Variants in CELF2 observed in about 807,000 individuals in gnomAD.
The protein encoded by CELF2 is CUGBP Elav-like family member 2, also known as CUG triplet repeat RNA-binding protein 2.
In CELF2, 8 loss-of-function variants were observed where a neutral mutation model predicts 62.6. That is an observed-to-expected ratio of 0.13 (90% CI 0.07 to 0.23). The LOEUF (loss-of-function observed/expected upper bound fraction) is 0.23, where lower values mean the gene tolerates loss of function less well. Ranked by LOEUF, CELF2 falls within the 10% of genes least tolerant of loss-of-function variation. CELF2 has a pLI of 1.00. For synonymous variants in CELF2, 258 were observed against 250.0 expected (o/e 1.03, Z -0.30); for missense variants, 333 against 671.0 (o/e 0.50, Z 5.56).
chr10:11,051,350 GA>G (rs2063880870), intron 1 of CELF2, among the ~76,000 whole-genome samples: 1 of 152,132 alleles, frequency 6.6e-6, no homozygotes, highest in South Asian at 2.1e-4. Context: ...CTAAAACATA[GA>G]GTTCTCTTTT....
At position 10,995,026 on chromosome 10, in the gene CELF2, C is replaced by T. The variant is rs2053810949; in HGVS notation, c.89+75027C>T. Among the ~76,000 whole-genome samples, 1 of 152,180 alleles carries T rather than the reference C, an allele frequency of 6.6e-6. No homozygotes were observed. The highest frequency in any genetic ancestry group is 2.4e-5 in the African/African-American group (1 of 41,448). ...GGTGATTCCAGCGCGCTCTTATCAC[C>T]TGCCCTTCCTTGGAGCTCTTGCGGC... is the stretch of plus-strand genomic sequence containing the variant. On this transcript the variant is annotated intron_variant, in intron 2 of 13. Transcript: ENST00000636488. The surrounding 1 kb of genome is among the most constrained non-coding windows in gnomAD (Gnocchi z 4.7).
intron 7 of CELF2, among the ~76,000 whole-genome samples, chr10:11,271,264 C>A (rs2083678557): frequency 6.6e-6 from 1 of 152,244 alleles, no homozygotes. Context: ...TTTCTTACTT[C>A]ATCTATTTGA....
At chr10:11,079,810 T>G (rs555968325) in intron 1 of CELF2, among the ~76,000 whole-genome samples, 19 of 147,650 alleles carry the variant, frequency 1.3e-4, no homozygotes, top group African/African-American at 4.7e-4. Context: ...CACTCACCTT[T>G]CCCTCTTGGG....
At position 11,319,217 on chromosome 10, in the gene CELF2, A is replaced by G. The variant is rs1483256558; in HGVS notation, c.1097-1972A>G. 2.4e-6 allele frequency: 1 copy of G among 409,204 alleles called. No individual in the cohort carries two copies. The highest frequency in any genetic ancestry group is 5.1e-6 in the Non-Finnish European group (1 of 198,012). The allele number at this position is 409,204 out of a possible 1,614,324, so 25.3% of individuals were successfully genotyped here. A position where few individuals can be genotyped will look rare whatever the true frequency, so the allele number is the denominator to read the frequency against. ...CACAGCACCCGTTAACAGCCTGGCC[A>G]AAGTGAGACCAACAGAATTTATCAG... On this transcript the variant is annotated intron_variant, in intron 10 of 12. Coordinates refer to ENST00000633077, the MANE Select transcript of CELF2 (RefSeq NM_001326342.2). This position sits in a 1 kb window ranked among gnomAD's most constrained non-coding sequence, Gnocchi z 4.4.
At chr10:10,501,081 C>T in the CELF2 span, among the ~76,000 whole-genome samples, 1 of 152,242 alleles carries the variant, frequency 6.6e-6, no homozygotes, top group Non-Finnish European at 1.5e-5. Flanking sequence ...CTGCTATCAA[C>T]ATTCCTGTAC....
upstream of CELF2, among the ~76,000 whole-genome samples, chr10:11,015,097 C>T (rs181569883): frequency 2.9e-3 from 449 of 152,280 alleles, 4 homozygotes; most frequent in African/African-American, 0.01. The surrounding 1 kb of genome is among the most constrained non-coding windows in gnomAD (Gnocchi z 4.8). Context: ...CGTTCAACAG[C>T]GGCCCCATAG....
chr10:11,033,021 T>C (rs1164727971), intron 1 of CELF2, among the ~76,000 whole-genome samples: 1 of 152,198 alleles, frequency 6.6e-6, no homozygotes, highest in African/African-American at 2.4e-5. Flanking sequence ...TTAAAATAAC[T>C]TTGGGGTCCA....
At chr10:11,047,168 C>T (rs2063006856) in intron 1 of CELF2, among the ~76,000 whole-genome samples, 1 of 152,102 alleles carries the variant, frequency 6.6e-6, no homozygotes. Context: ...TGAGTCCTTG[C>T]TACTTAGAAG....
intron 1 of CELF2, among the ~76,000 whole-genome samples, chr10:10,891,610 T>A (rs1018574): frequency 6.6e-6 from 1 of 151,984 alleles, no homozygotes; most frequent in Non-Finnish European, 1.5e-5. Flanking sequence ...CAGACATGAG[T>A]TTTTAAGAGG....
chr10:10,683,896 G>A, the CELF2 span, among the ~76,000 whole-genome samples: 1 of 152,148 alleles, frequency 6.6e-6, no homozygotes, highest in African/African-American at 2.4e-5. Flanking sequence ...CGTCAGGCAA[G>A]AGGGTCCCCA....
At chr10:11,047,158 T>G (rs1259967032) in intron 1 of CELF2, among the ~76,000 whole-genome samples, 1 of 152,180 alleles carries the variant, frequency 6.6e-6, no homozygotes, top group African/African-American at 2.4e-5. Context: ...CCATTTCCAC[T>G]GAGTCCTTGC....
intron 1 of CELF2, among the ~76,000 whole-genome samples, chr10:11,107,297 A>G (rs2053773436): frequency 6.6e-6 from 1 of 152,140 alleles, no homozygotes; most frequent in Non-Finnish European, 1.5e-5. Flanking sequence ...GCTCCAGGCT[A>G]AACTGGCCTG....
chr10:10,706,878 A>G, the CELF2 span, among the ~76,000 whole-genome samples: 5 of 152,324 alleles, frequency 3.3e-5, no homozygotes, highest in African/African-American at 9.6e-5. Context: ...AGATATTACC[A>G]TCTCTGTGCT....
the CELF2 span, among the ~76,000 whole-genome samples, chr10:10,512,015 A>G: frequency 6.6e-6 from 1 of 152,204 alleles, no homozygotes; most frequent in Non-Finnish European, 1.5e-5. Context: ...AATTATTGTA[A>G]CCCTGGAACA....
chr10:10,537,775 C>T, the CELF2 span, among the ~76,000 whole-genome samples: 1 of 152,136 alleles, frequency 6.6e-6, no homozygotes, highest in African/African-American at 2.4e-5. Context: ...CAGATCCCAA[C>T]CCCCATGAAC....
intron 1 of CELF2, among the ~76,000 whole-genome samples, chr10:10,830,664 A>G (rs1391735841): frequency 6.6e-6 from 1 of 152,192 alleles, no homozygotes; most frequent in Non-Finnish European, 1.5e-5. Flanking sequence ...GTCAAAAACA[A>G]GCCCACAAAA....
At chr10:11,139,901 T>C (rs912754829) in intron 1 of CELF2, among the ~76,000 whole-genome samples, 4 of 152,008 alleles carry the variant, frequency 2.6e-5, no homozygotes, top group African/African-American at 9.7e-5. Flanking sequence ...CTCTCAATTC[T>C]GCCTCTCTCA....
intron 1 of CELF2, among the ~76,000 whole-genome samples, chr10:11,160,655 A>AG (rs1306280725): frequency 1.3e-5 from 2 of 151,956 alleles, no homozygotes; most frequent in Non-Finnish European, 2.9e-5. Flanking sequence ...CAAAAAAAAA[A>AG]AAAAAAAAAG....
intron 9 of CELF2, among the ~76,000 whole-genome samples, chr10:11,301,712 C>T (rs57772083): frequency 0.23 from 34,338 of 150,056 alleles, 4,917 homozygotes; most frequent in East Asian, 0.59. Context: ...GGCCCTGGCC[C>T]GGTGGCACCA....
Sources: gnomAD v4.1 joint callset for allele counts (sites outside exome capture counted in the v4.1 genomes callset) on GRCh38, gnomAD v4.1.1 for gene constraint, Gnocchi (gnomAD v3.1) non-coding constraint, MANE v1.5 for transcripts, NCBI Gene and HGNC (gene_info 2026-07-23, HGNC 2026-07-21) for gene names.